Variants in ARHGAP25 observed in about 807,000 individuals in gnomAD.
ARHGAP25 encodes Rho GTPase activating protein 25.
Under a neutral mutation model 71.0 loss-of-function variants are expected in ARHGAP25, and 34 were observed. The observed-to-expected ratio is 0.48, with a 90% CI of 0.36 to 0.64. ARHGAP25 has a LOEUF of 0.64. Ranked by LOEUF, ARHGAP25 falls within the 30% of genes least tolerant of loss-of-function variation. ARHGAP25 has a pLI of 0.00. For synonymous variants in ARHGAP25, 282 were observed against 296.5 expected, an observed-to-expected ratio of 0.95 and a Z score of 0.50; for missense variants, 706 against 805.1, an observed-to-expected ratio of 0.88 and a Z score of 1.49.
chr2:68,722,492 C>T (rs957331887), intron 2 of ARHGAP25, among the ~76,000 whole-genome samples: 5 of 151,218 alleles, frequency 3.3e-5, no homozygotes, highest in Admixed American at 1.3e-4. Flanking sequence ...GCAGGAGAAT[C>T]GCTTGAACCA....
rs1678874128 is a variant in ARHGAP25, at chr2:68,787,963, A to G, written c.466+7A>G. On this transcript the variant is annotated splice_region_variant and intron_variant, in intron 4 of 10. Coordinates refer to ENST00000409202, the MANE Select transcript of ARHGAP25 (RefSeq NM_001007231.3). ...GCTGGCACACCCTGTGGAGGTAAGG[A>G]CCCCTGCAGGCTTTCCTGGGCAGGT... 6.2e-7 allele frequency: 1 copy of G among 1,610,922 alleles called. No homozygotes were observed. Among genetic ancestry groups the G allele is most frequent in the African/African-American group, 1.3e-5 (1 of 74,858 alleles).
chr2:68,742,695 G>T (rs1675583705), intron 1 of ARHGAP25, among the ~76,000 whole-genome samples: 1 of 152,230 alleles, frequency 6.6e-6, no homozygotes, highest in Non-Finnish European at 1.5e-5. Context: ...GAAAACCACA[G>T]CCAGCAGTGC....
Position 68,747,738 on chromosome 2 carries a change from C to G in ARHGAP25, c.61+12478C>G, listed in dbSNP as rs563375526. On this transcript the variant is annotated intron_variant, in intron 1 of 10. Transcript: ENST00000409202. ...GTTCACCTGCCCTTTGCAAAAGGCT[C>G]TACTATTCACCGAGTTGCTCAGGCT... Among the ~76,000 whole-genome samples, 9 of 152,298 alleles carry G rather than the reference C, an allele frequency of 5.9e-5. 1 individual carries two copies. Among genetic ancestry groups the G allele is most frequent in the African/African-American group, 2.2e-4 (9 of 41,570 alleles).
intron 2 of ARHGAP25, among the ~76,000 whole-genome samples, chr2:68,778,392 A>T (rs1338382022): frequency 6.6e-6 from 1 of 152,224 alleles, no homozygotes; most frequent in Non-Finnish European, 1.5e-5. Context: ...TTTATAGAAA[A>T]AGGCCTAGAA....
intron 2 of ARHGAP25, among the ~76,000 whole-genome samples, chr2:68,712,519 C>T (rs1229544591): frequency 6.6e-6 from 1 of 152,118 alleles, no homozygotes; most frequent in Non-Finnish European, 1.5e-5. Flanking sequence ...TTAATTAGAT[C>T]CCATCTGTCT....
chr2:68,725,912 C>G (rs751368363), intron 2 of ARHGAP25, among the ~76,000 whole-genome samples: 1 of 152,162 alleles, frequency 6.6e-6, no homozygotes, highest in Non-Finnish European at 1.5e-5. Context: ...CTGGCTCATT[C>G]TCAACCTGGC....
intron 1 of ARHGAP25, among the ~76,000 whole-genome samples, chr2:68,760,883 T>A (rs1165607831): frequency 1.1e-3 from 19 of 17,834 alleles, no homozygotes; most frequent in African/African-American, 1.7e-3. Context: ...AAAAAAAAAT[T>A]TTTGAAAAAG....
intron 9 of ARHGAP25, among the ~76,000 whole-genome samples, chr2:68,821,123 G>A (rs1335336547): frequency 3.2e-5 from 4 of 125,230 alleles, no homozygotes; most frequent in African/African-American, 1.3e-4. Flanking sequence ...TTGTGACAGG[G>A]TCTCACTTTA....
intron 2 of ARHGAP25, among the ~76,000 whole-genome samples, chr2:68,776,703 G>A (rs374658677): frequency 4.6e-5 from 7 of 152,274 alleles, no homozygotes; most frequent in African/African-American, 1.7e-4. Flanking sequence ...ATGTCTCAGG[G>A]CATCCAGCAC....
chr2:68,735,002 G>A lies in ARHGAP25; in HGVS notation c.-198G>A. 3 of 619,044 alleles carry A rather than the reference G, an allele frequency of 4.8e-6. No individual in the cohort carries two copies. In the South Asian group the frequency reaches 5.8e-5, roughly 12 times the overall value. The allele number at this position is 619,044 out of a possible 1,614,324, so 38.3% of individuals were successfully genotyped here. A position where few individuals can be genotyped will look rare whatever the true frequency, so the allele number is the denominator to read the frequency against. On this transcript the variant is annotated 5_prime_UTR_variant, in exon 1 of 11. Coordinates refer to ENST00000409202, the MANE Select transcript of ARHGAP25 (RefSeq NM_001007231.3). ...GTTTGGGTGCCATCCTCCAGTGACA[G>A]ATGGATGGACCTTTCATCTAAGAGA...
intron 1 of ARHGAP25, among the ~76,000 whole-genome samples, chr2:68,752,640 G>A (rs1303176010): frequency 1.3e-5 from 2 of 152,168 alleles, no homozygotes; most frequent in African/African-American, 4.8e-5. Context: ...TTTCTCCTCA[G>A]TCTGAGGTTC....
chr2:68,746,732 C>T (rs563652439), intron 1 of ARHGAP25, among the ~76,000 whole-genome samples: 3 of 150,048 alleles, frequency 2.0e-5, no homozygotes, highest in South Asian at 2.1e-4. Context: ...CAGGGCCGGG[C>T]GCGGTGGCTC....
intron 4 of ARHGAP25, among the ~76,000 whole-genome samples, chr2:68,795,501 A>G (rs1409999541): frequency 6.6e-6 from 1 of 152,086 alleles, no homozygotes; most frequent in Non-Finnish European, 1.5e-5. Context: ...TTAGATTTCT[A>G]TCTTAATTTC....
At chr2:68,785,686 G>T (rs1228425763) in intron 3 of ARHGAP25, among the ~76,000 whole-genome samples, 2 of 152,128 alleles carry the variant, frequency 1.3e-5, no homozygotes, top group Non-Finnish European at 2.9e-5. Context: ...ATAGAATAAG[G>T]ACTCCCCACT....
intron 1 of ARHGAP25, among the ~76,000 whole-genome samples, chr2:68,765,617 A>C (rs866082004): frequency 6.6e-6 from 1 of 152,210 alleles, no homozygotes; most frequent in African/African-American, 2.4e-5. Flanking sequence ...TTAAGTATGC[A>C]TCCTTAAAAA....
intron 2 of ARHGAP25, 128 bp from the exon 3 acceptor site, chr2:68,782,105 C>T: frequency 1.3e-6 from 1 of 785,652 alleles, no homozygotes. Flanking sequence ...AACTGGGAGG[C>T]TAGCTTCCCA....
At position 68,775,247 on chromosome 2, in the gene ARHGAP25, G is replaced by C. The variant is rs1013072435; in HGVS notation, c.88G>C (p.Glu30Gln). 1 of 1,614,120 alleles carries C rather than the reference G, an allele frequency of 6.2e-7. No homozygotes were observed. Among genetic ancestry groups the C allele is most frequent in the African/African-American group, 1.3e-5 (1 of 74,938 alleles). ...TCGGTCAAGGAGTGTGATGACTGGC[G>C]AGCAGATGGCTGCCTTCCATCCATC... ...IARSRSVMTGEQMAAFHPSST... is the reference protein window; with the variant it reads ...IARSRSVMTGQQMAAFHPSST... Residue 30 changes from glutamate to glutamine, a missense_variant, in exon 2 of 11, where the codon GAG becomes CAG. Glu to Gln is a conservative substitution (Grantham distance 29). Coordinates refer to ENST00000409202, the MANE Select transcript of ARHGAP25 (RefSeq NM_001007231.3).
intron 1 of ARHGAP25, 195 bp from the exon 2 acceptor site, chr2:68,775,026 C>G: frequency 6.7e-7 from 1 of 1,498,084 alleles, no homozygotes; most frequent in African/African-American, 1.4e-5. Context: ...CTGGCCCTGA[C>G]CGGGAGCTGG....
intron 2 of ARHGAP25, among the ~76,000 whole-genome samples, chr2:68,776,120 G>A (rs1677890101): frequency 2.0e-5 from 3 of 151,924 alleles, no homozygotes; most frequent in Non-Finnish European, 4.4e-5. Flanking sequence ...CAGAGAGAAC[G>A]GCCGGTGCTA....
Sources: gnomAD v4.1 joint callset for allele counts (sites outside exome capture counted in the v4.1 genomes callset) on GRCh38, gnomAD v4.1.1 for gene constraint, MANE v1.5 for transcripts, NCBI Gene and HGNC (gene_info 2026-07-23, HGNC 2026-07-21) for gene names.